Variants in RPS6KA5 observed in about 807,000 individuals in gnomAD.
The protein encoded by RPS6KA5 is ribosomal protein S6 kinase alpha-5.
In RPS6KA5, 27 loss-of-function variants were observed where a neutral mutation model predicts 85.5. That is an observed-to-expected ratio of 0.32 (90% confidence interval 0.23 to 0.44). The LOEUF (loss-of-function observed/expected upper bound fraction) is 0.44, where lower values mean the gene tolerates loss of function less well. Among genes scored for constraint, RPS6KA5 ranks in the 20% least tolerant of loss-of-function variants. The probability of loss-of-function intolerance (pLI) is 1.00; values close to 1 mark genes in which losing one functional copy is unlikely to be tolerated. For synonymous variants in RPS6KA5, 334 were observed against 348.2 expected (o/e 0.96, Z 0.46); for missense variants, 811 against 980.9 (o/e 0.83, Z 2.31).
rs568036315 is a variant in RPS6KA5, at chr14:91,000,388, G to A, written c.175+700C>T. 9.2e-5 allele frequency among the ~76,000 whole-genome samples: 14 copies of A among 152,192 alleles called. No individual in the cohort carries two copies. In the South Asian group the frequency reaches 1.9e-3, roughly 20 times the overall value. On this transcript the variant is annotated intron_variant, in intron 2 of 16. Transcript: ENST00000614987. ...TGGGTTTTTCATTATTACAAATTAC[G>A]TTCATTGAGTATCAACTGAGTTGAA... is the stretch of plus-strand genomic sequence containing the variant.
At chr14:91,026,387 T>C (rs982913007) in intron 1 of RPS6KA5, among the ~76,000 whole-genome samples, 2 of 152,060 alleles carry the variant, frequency 1.3e-5, no homozygotes, top group East Asian at 1.9e-4. Context: ...TATACCACCA[T>C]ACCTAGCTAA....
chr14:90,849,658 G>A lies in RPS6KA5; in HGVS notation c.*22416C>T, dbSNP rs575612265. The A allele has an allele frequency of 2.6e-5, 4 of 152,306 alleles. No individual in the cohort carries two copies. The allele number at this position is 152,306 out of a possible 1,614,324, so 9.4% of individuals were successfully genotyped here. The stretch of plus-strand genomic sequence containing the variant: ...TGGATGTGTACGCACACAGGAGAGA[G>A]TCGGGGCTGGTGGGGAGGCAGAGAG... On this transcript the variant is annotated 3_prime_UTR_variant, in exon 17 of 17. Coordinates refer to ENST00000614987, the MANE Select transcript of RPS6KA5 (RefSeq NM_004755.4).
chr14:90,958,528 A>C (rs1053768505), intron 3 of RPS6KA5, among the ~76,000 whole-genome samples: 5 of 152,214 alleles, frequency 3.3e-5, no homozygotes, highest in Non-Finnish European at 4.4e-5. Context: ...TGGTGTCAGA[A>C]AGTCCAAAAA....
At chr14:90,893,967 TTAAG>T in intron 13 of RPS6KA5, 5 of 833,948 alleles carry the variant, frequency 6.0e-6, no homozygotes, top group Non-Finnish European at 7.2e-6. Context: ...AGACAACTCT[TTAAG>T]TATTTAGAAT....
intron 14 of RPS6KA5, among the ~76,000 whole-genome samples, chr14:90,882,884 G>A (rs368197984): frequency 8.0e-4 from 121 of 151,414 alleles, no homozygotes; most frequent in South Asian, 6.0e-3. Context: ...TGCAACCTCC[G>A]CCTCCCAAGT....
At chr14:90,939,114 C>T (rs906005418) in intron 5 of RPS6KA5, among the ~76,000 whole-genome samples, 11 of 152,200 alleles carry the variant, frequency 7.2e-5, no homozygotes, top group African/African-American at 2.4e-4. Context: ...CTGCCAGATA[C>T]CCTAAATCAC....
chr14:90,985,853 T>C (rs968188842), intron 2 of RPS6KA5, among the ~76,000 whole-genome samples: 4 of 152,216 alleles, frequency 2.6e-5, no homozygotes, highest in African/African-American at 9.6e-5. Flanking sequence ...CTGTTATTCT[T>C]ATTATGTAAA....
chr14:90,949,206 T>A (rs117151272), intron 3 of RPS6KA5, among the ~76,000 whole-genome samples: 3,010 of 152,350 alleles, frequency 0.02, 45 homozygotes, highest in Non-Finnish European at 0.033. Context: ...TATGCATAAA[T>A]GCTTTCCATA....
chr14:90,929,417 A>G (rs2036855178), intron 5 of RPS6KA5, among the ~76,000 whole-genome samples: 1 of 152,168 alleles, frequency 6.6e-6, no homozygotes, highest in Non-Finnish European at 1.5e-5. Context: ...TGTGCACCTA[A>G]TAAGAATTCA....
In RPS6KA5 at chr14:90,978,402, T is replaced by C. The variant is rs1483677586; in HGVS notation, c.298A>G (p.Thr100Ala). The C allele has an allele frequency of 1.9e-6, 3 of 1,613,974 alleles. No individual in the cohort carries two copies. The highest frequency in any genetic ancestry group is 1.7e-5 in the Admixed American group (1 of 59,980). ...ATGTGTTCCAGGACTTGTCGTTCTG[T>C]CCTTGTATGCTCTGTGGTTTTGGCC... ...QKAKTTEHTR[T>A]ERQVLEHIRQ... The change falls in exon 3 of 17, where the codon ACA (threonine) becomes GCA (alanine). Residue 100 changes from threonine (T) to alanine (A), a missense_variant. Thr to Ala is a moderately conservative substitution (Grantham distance 58, BLOSUM62 0). Coordinates refer to ENST00000614987, the MANE Select transcript of RPS6KA5 (RefSeq NM_004755.4).
chr14:91,015,701 T>C (rs2041460285), intron 1 of RPS6KA5, among the ~76,000 whole-genome samples: 1 of 152,236 alleles, frequency 6.6e-6, no homozygotes, highest in South Asian at 2.1e-4. Flanking sequence ...GCCAATTTGG[T>C]TTCTATTAGC....
Position 90,894,467 on chromosome 14 carries a change from T to G in RPS6KA5, c.1590A>C (p.Ser530=), listed in dbSNP as rs371247192. Residue 530 remains serine, a synonymous_variant, in exon 13 of 17, where the codon TCA becomes TCC. Transcript: ENST00000614987. ...CAACATCATGCATGTGGCTTACAGC[T>G]GAAACAAGCTTCCTCATGATGTAGC... ...EASYIMRKLV[S]AVSHMHDVGV... 16 of 1,614,138 alleles carry G rather than the reference T, an allele frequency of 9.9e-6. No individual in the cohort carries two copies. In the African/African-American group the frequency reaches 1.7e-4, roughly 17 times the overall value.
At chr14:90,927,517 T>A (rs2036737858) in intron 5 of RPS6KA5, among the ~76,000 whole-genome samples, 2 of 152,114 alleles carry the variant, frequency 1.3e-5, no homozygotes, top group African/African-American at 4.8e-5. Flanking sequence ...AAAAAAGTTG[T>A]ATCAGACAGC....
In RPS6KA5 at chr14:90,857,283, T is replaced by C. The variant is rs1408842732; in HGVS notation, c.*14791A>G. On this transcript the variant is annotated 3_prime_UTR_variant, in exon 17 of 17. Coordinates refer to ENST00000614987, the MANE Select transcript of RPS6KA5 (RefSeq NM_004755.4). ...ATGTGCCCAGATTATATTTTTATCT[T>C]GGTAACACTGAAATTTATGCTATTC... is the stretch of plus-strand genomic sequence containing the variant. 6.6e-6 allele frequency: 1 copy of C among 152,238 alleles called. No homozygotes were observed. The highest frequency in any genetic ancestry group is 1.5e-5 in the Non-Finnish European group (1 of 68,042). 9.4% of individuals were successfully genotyped at this position (152,238 alleles called of 1,614,324 possible). A position where few individuals can be genotyped will look rare whatever the true frequency, so the allele number is the denominator to read the frequency against.
At chr14:90,877,596 T>C (rs1245178295) in intron 14 of RPS6KA5, among the ~76,000 whole-genome samples, 1 of 152,220 alleles carries the variant, frequency 6.6e-6, no homozygotes, top group Non-Finnish European at 1.5e-5. Flanking sequence ...GCCTTTCTTT[T>C]TCAGCCTCAG....
At chr14:90,923,488 T>C (rs1469590687) in intron 5 of RPS6KA5, among the ~76,000 whole-genome samples, 1 of 152,182 alleles carries the variant, frequency 6.6e-6, no homozygotes, top group African/African-American at 2.4e-5. Context: ...AATCCATTCA[T>C]TTATTCTTGT....
At chr14:90,995,661 T>G (rs1172134540) in intron 2 of RPS6KA5, among the ~76,000 whole-genome samples, 4 of 152,180 alleles carry the variant, frequency 2.6e-5, no homozygotes, top group Non-Finnish European at 5.9e-5. Context: ...CCATTTTATT[T>G]TTTCAAGCTT....
chr14:91,054,792 T>TG (rs2043245421), intron 1 of RPS6KA5, among the ~76,000 whole-genome samples: 1 of 149,918 alleles, frequency 6.7e-6, no homozygotes, highest in Non-Finnish European at 1.5e-5. Flanking sequence ...CTCTATTATT[T>TG]AAAAAAAAAA....
At chr14:90,948,204 G>A (rs1357797185) in intron 3 of RPS6KA5, among the ~76,000 whole-genome samples, 4 of 152,128 alleles carry the variant, frequency 2.6e-5, no homozygotes, top group Admixed American at 1.3e-4. Flanking sequence ...TAGGGGAGCT[G>A]GTTAATTTTT....
Sources: gnomAD v4.1 joint callset for allele counts (sites outside exome capture counted in the v4.1 genomes callset) on GRCh38, gnomAD v4.1.1 for gene constraint, MANE v1.5 for transcripts, NCBI Gene and HGNC (gene_info 2026-07-23, HGNC 2026-07-21) for gene names.